INPP5D: variants seen among roughly 807,000 people sequenced by gnomAD.
INPP5D encodes the protein phosphatidylinositol 3,4,5-trisphosphate 5-phosphatase 1.
INPP5D carries 33 observed loss-of-function variants against 122.9 expected under a neutral mutation model. That is an observed-to-expected ratio of 0.27 (90% confidence interval 0.20 to 0.36). The LOEUF is 0.36. Among genes scored for constraint, INPP5D ranks in the 10% least tolerant of loss-of-function variants. The pLI is 1.00. For synonymous variants in INPP5D, 584 were observed against 576.2 expected, an observed-to-expected ratio of 1.01 and a Z score of -0.19; for missense variants, 1,053 against 1,412.7, an observed-to-expected ratio of 0.75 and a Z score of 4.08.
At chr2:233,169,075 C>T (rs888950268) in intron 13 of INPP5D, among the ~76,000 whole-genome samples, 1 of 152,182 alleles carries the variant, frequency 6.6e-6, no homozygotes, top group Non-Finnish European at 1.5e-5. Flanking sequence ...CAGCAGCCAC[C>T]TTCCTCTGCC....
intron 2 of INPP5D, among the ~76,000 whole-genome samples, chr2:233,109,530 A>G (rs1028134182): frequency 6.6e-6 from 1 of 152,160 alleles, no homozygotes; most frequent in East Asian, 1.9e-4. Context: ...ATGTTTTTGT[A>G]TGATAAAAAT....
In INPP5D at chr2:233,170,288, G is replaced by C. The variant is rs929510493; in HGVS notation, c.1791+124G>C. On this transcript the variant is annotated intron_variant, in intron 15 of 26. Transcript: ENST00000445964. The surrounding 1 kb of genome is among the most constrained non-coding windows in gnomAD (Gnocchi z 4.5). ...GTGGGCTGAGGCGGCTGCTCCCCTT[G>C]GGGGCTCAACGCTGTTTCCATTACT... The C allele has an allele frequency of 4.6e-6, 7 of 1,508,304 alleles. No individual in the cohort carries two copies. Among genetic ancestry groups the C allele is most frequent in the Non-Finnish European group, 6.2e-6 (7 of 1,124,680 alleles). The allele number at this position is 1,508,304 out of a possible 1,614,324, so 93.4% of individuals were successfully genotyped here. A position where few individuals can be genotyped will look rare whatever the true frequency, so the allele number is the denominator to read the frequency against.
rs1040186099 is a variant in INPP5D, at chr2:233,060,383, G to C, written c.-96G>C. 2 of 1,396,254 alleles carry C rather than the reference G, an allele frequency of 1.4e-6. No homozygotes were observed. Among genetic ancestry groups the C allele is most frequent in the South Asian group, 1.4e-5 (1 of 71,924 alleles). The allele number at this position is 1,396,254 out of a possible 1,614,324, so 86.5% of individuals were successfully genotyped here. The stretch of plus-strand genomic sequence containing the variant: ...GCAGCCGAGGCCACCAAGAGGCAAC[G>C]GGCGGCAGGTTGCAGTGGAGGGGCC... On this transcript the variant is annotated 5_prime_UTR_variant, in exon 1 of 27. Coordinates refer to ENST00000445964, the MANE Select transcript of INPP5D (RefSeq NM_001017915.3).
chr2:233,182,259 A>T, intron 18 of INPP5D, 151 bp from the exon 19 acceptor site: 1 of 1,119,250 alleles, frequency 8.9e-7, no homozygotes, highest in Non-Finnish European at 1.2e-6. Flanking sequence ...TGAACCCTTT[A>T]AGCATTGCTG....
intron 10 of INPP5D, among the ~76,000 whole-genome samples, chr2:233,158,890 C>A (rs183643632): frequency 6.6e-6 from 1 of 152,146 alleles, no homozygotes; most frequent in Non-Finnish European, 1.5e-5. Flanking sequence ...GGGATCCCCC[C>A]ACCCACCTCA....
At chr2:233,076,637 C>G (rs1382335630) in intron 1 of INPP5D, among the ~76,000 whole-genome samples, 1 of 152,178 alleles carries the variant, frequency 6.6e-6, no homozygotes, top group Non-Finnish European at 1.5e-5. Flanking sequence ...TTAAAAATAA[C>G]TCCAAAATAT....
rs191227859 is a variant in INPP5D at position 233,126,877 on chromosome 2, G to A, written c.524+958G>A. 6.3e-4 allele frequency among the ~76,000 whole-genome samples: 95 copies of A among 151,592 alleles called. 1 individual carries two copies. The highest frequency in any genetic ancestry group is 2.3e-3 in the African/African-American group (93 of 41,326). ...AGAGGTTGCAGTGAACCAAAATTGC[G>A]CCACTGCACTCCAGCCTGGGCAACA... On this transcript the variant is annotated intron_variant, in intron 4 of 26. Transcript: ENST00000445964.
chr2:233,184,642 A>G, intron 20 of INPP5D, 121 bp downstream of exon 20: 8 of 1,390,414 alleles, frequency 5.8e-6, no homozygotes, highest in Non-Finnish European at 7.7e-6. Flanking sequence ...GAAGCTGATC[A>G]GAGAAGTGGG....
intron 9 of INPP5D, among the ~76,000 whole-genome samples, chr2:233,148,868 A>G (rs1358709375): frequency 1.3e-5 from 2 of 152,090 alleles, no homozygotes; most frequent in African/African-American, 4.8e-5. Context: ...TTTATTCTTT[A>G]GTGTCTCAAA....
chr2:233,080,903 C>A (rs1559279132), intron 2 of INPP5D, among the ~76,000 whole-genome samples: 1 of 152,190 alleles, frequency 6.6e-6, no homozygotes, highest in African/African-American at 2.4e-5. Flanking sequence ...TGTGATGCAG[C>A]CCGGTCCAGG....
intron 3 of INPP5D, among the ~76,000 whole-genome samples, chr2:233,123,468 A>T (rs918204518): frequency 6.6e-6 from 1 of 151,826 alleles, no homozygotes; most frequent in African/African-American, 2.4e-5. Context: ...AAAAAAAAAA[A>T]ATTATACAGT....
chr2:233,185,781 G>A, intron 20 of INPP5D, 62 bp from the exon 21 acceptor site: 1 of 1,486,746 alleles, frequency 6.7e-7, no homozygotes, highest in Non-Finnish European at 9.0e-7. Context: ...TGACCCCAGG[G>A]AGTCTTTTCT....
intron 2 of INPP5D, among the ~76,000 whole-genome samples, chr2:233,093,551 T>A (rs147226834): frequency 7.8e-4 from 1 of 1,286 alleles, no homozygotes; most frequent in African/African-American, 0.012. Context: ...TGGTGGCGAG[T>A]TGCCTATAAT....
chr2:233,197,206 G>A lies in INPP5D; in HGVS notation c.2694-889G>A, dbSNP rs1207898636. Among the ~76,000 whole-genome samples the A allele has an allele frequency of 6.6e-6, 1 of 152,182 alleles. No homozygotes were observed. Among genetic ancestry groups the A allele is most frequent in the Non-Finnish European group, 1.5e-5 (1 of 68,030 alleles). ...TCAGAACTCAGTTCTCAGGAGGCCG[G>A]TGCCTGACACAGTGGCAGCGTGCAG... On this transcript the variant is annotated intron_variant, in intron 24 of 26. Coordinates refer to ENST00000445964, the MANE Select transcript of INPP5D (RefSeq NM_001017915.3). The surrounding 1 kb of genome is among the most constrained non-coding windows in gnomAD (Gnocchi z 4.4).
intron 2 of INPP5D, among the ~76,000 whole-genome samples, chr2:233,101,608 AT>A (rs1164849462): frequency 1.4e-5 from 2 of 145,012 alleles, no homozygotes; most frequent in African/African-American, 5.0e-5. Context: ...TTATTAAATA[AT>A]TATAATATAT....
intron 2 of INPP5D, among the ~76,000 whole-genome samples, chr2:233,117,277 T>C (rs1367886127): frequency 1.3e-5 from 2 of 152,150 alleles, no homozygotes; most frequent in Non-Finnish European, 2.9e-5. Context: ...AACCTCCCGA[T>C]TCGAACCTGG....
At chr2:233,099,605 G>T (rs1032030038) in intron 2 of INPP5D, among the ~76,000 whole-genome samples, 1 of 152,276 alleles carries the variant, frequency 6.6e-6, no homozygotes, top group South Asian at 2.1e-4. Flanking sequence ...ATCACAATCT[G>T]GTGGCCCCTA....
chr2:233,170,901 G>A lies in INPP5D; in HGVS notation c.1901-163G>A, dbSNP rs540749700. ...AGCCTGGCCAACAAAGACAGACTCC[G>A]TCTCAAAAAAAAAAAAAAAAAAAGC... On this transcript the variant is annotated intron_variant, in intron 16 of 26. Transcript: ENST00000445964. The surrounding 1 kb of genome is among the most constrained non-coding windows in gnomAD (Gnocchi z 4.5). 4.8e-5 allele frequency among the ~76,000 whole-genome samples: 3 copies of A among 62,100 alleles called. No homozygotes were observed. Among genetic ancestry groups the A allele is most frequent in the South Asian group, 1.7e-3 (2 of 1,148 alleles). 40.7% of individuals were successfully genotyped at this position (62,100 alleles called of 152,430 possible).
intron 26 of INPP5D, 21 bp downstream of exon 26, chr2:233,204,738 G>C (rs1695443806): frequency 6.8e-7 from 1 of 1,471,862 alleles, no homozygotes; most frequent in Non-Finnish European, 9.0e-7. Flanking sequence ...CCACACGTGG[G>C]TTCGTGTGCA....
Sources: gnomAD v4.1 joint callset for allele counts (sites outside exome capture counted in the v4.1 genomes callset) on GRCh38, gnomAD v4.1.1 for gene constraint, Gnocchi (gnomAD v3.1) non-coding constraint, MANE v1.5 for transcripts, NCBI Gene and HGNC (gene_info 2026-07-23, HGNC 2026-07-21) for gene names.